ST6GALNAC3: variants seen among roughly 807,000 people sequenced by gnomAD.
ST6GALNAC3 encodes the protein alpha-N-acetylgalactosaminide alpha-2,6-sialyltransferase 3.
Under a neutral mutation model 32.7 loss-of-function variants are expected in ST6GALNAC3, and 25 were observed. The observed-to-expected ratio is 0.76, with a 90% CI of 0.56 to 1.07. The LOEUF is 1.07. Among genes scored for constraint, ST6GALNAC3 ranks in the 50% least tolerant of loss-of-function variants. The pLI is 0.00. For missense variants in ST6GALNAC3, 355 were observed against 382.4 expected (o/e 0.93, Z 0.60); for synonymous variants, 129 against 133.1 (o/e 0.97, Z 0.21).
chr1:76,155,508 T>C (rs1053025566), intron 1 of ST6GALNAC3, among the ~76,000 whole-genome samples: 11 of 152,112 alleles, frequency 7.2e-5, no homozygotes, highest in African/African-American at 2.2e-4. Context: ...GTCTCTGTCG[T>C]CCAGGCTGGA....
chr1:76,545,018 G>T (rs934340353), intron 3 of ST6GALNAC3, among the ~76,000 whole-genome samples: 9 of 152,202 alleles, frequency 5.9e-5, no homozygotes, highest in African/African-American at 2.2e-4. Context: ...CTGCAGATCA[G>T]TGAGAACTTT....
chr1:76,324,709 A>G (rs375135167), intron 2 of ST6GALNAC3, among the ~76,000 whole-genome samples: 30 of 152,300 alleles, frequency 2.0e-4, no homozygotes, highest in African/African-American at 7.0e-4. Flanking sequence ...ACAGAAAAAA[A>G]GACATTAGAT....
At chr1:76,618,467 A>T in intron 3 of ST6GALNAC3, among the ~76,000 whole-genome samples, 1 of 152,336 alleles carries the variant, frequency 6.6e-6, no homozygotes, top group South Asian at 2.1e-4. Context: ...ACAAATGCAC[A>T]GTTATTAACA....
At chr1:76,141,121 C>G (rs1650294671) in intron 1 of ST6GALNAC3, among the ~76,000 whole-genome samples, 1 of 152,156 alleles carries the variant, frequency 6.6e-6, no homozygotes, top group Admixed American at 6.5e-5. Flanking sequence ...ATCTACTGAG[C>G]TGGCACCAGC....
At chr1:76,487,617 A>G (rs1660212265) in intron 3 of ST6GALNAC3, among the ~76,000 whole-genome samples, 1 of 152,108 alleles carries the variant, frequency 6.6e-6, no homozygotes. Context: ...TGTTCTAGTT[A>G]GCCATTTGTC....
At chr1:76,584,175 T>C (rs1013408450) in intron 3 of ST6GALNAC3, among the ~76,000 whole-genome samples, 2 of 152,226 alleles carry the variant, frequency 1.3e-5, no homozygotes, top group Non-Finnish European at 2.9e-5. Context: ...CAAGGTCTTA[T>C]AGTTAGTAAA....
chr1:76,425,022 C>T (rs1655273241), intron 3 of ST6GALNAC3, among the ~76,000 whole-genome samples: 5 of 151,930 alleles, frequency 3.3e-5, no homozygotes, highest in Admixed American at 3.3e-4. Flanking sequence ...CAAAAATACA[C>T]ATCGTTTTAT....
chr1:76,303,158 C>G (rs1354407220), intron 1 of ST6GALNAC3, among the ~76,000 whole-genome samples: 6 of 151,934 alleles, frequency 3.9e-5, no homozygotes, highest in Non-Finnish European at 2.9e-5. Context: ...AGTTACATTT[C>G]TATGCAAACG....
chr1:76,182,459 C>G (rs755069147), intron 1 of ST6GALNAC3, among the ~76,000 whole-genome samples: 35 of 152,152 alleles, frequency 2.3e-4, no homozygotes, highest in Non-Finnish European at 4.9e-4. Context: ...ATAAGAATGA[C>G]TTCATAGAAG....
chr1:76,324,118 A>G (rs1347089384), intron 2 of ST6GALNAC3, among the ~76,000 whole-genome samples: 1 of 151,948 alleles, frequency 6.6e-6, no homozygotes, highest in Non-Finnish European at 1.5e-5. Flanking sequence ...GGCCTCCCAG[A>G]GTGCTGGGAT....
At chr1:76,179,090 CT>C (rs1653020849) in intron 1 of ST6GALNAC3, among the ~76,000 whole-genome samples, 1 of 152,172 alleles carries the variant, frequency 6.6e-6, no homozygotes, top group South Asian at 2.1e-4. Context: ...AGAACCTTTA[CT>C]TTTCACGTGG....
chr1:76,572,828 G>C (rs1197742722), intron 3 of ST6GALNAC3, among the ~76,000 whole-genome samples: 3 of 152,092 alleles, frequency 2.0e-5, no homozygotes, highest in East Asian at 1.9e-4. Flanking sequence ...TTTTCAGCTT[G>C]TCAAAGGTAT....
intron 3 of ST6GALNAC3, among the ~76,000 whole-genome samples, chr1:76,419,176 G>A (rs1008430242): frequency 9.9e-5 from 15 of 152,214 alleles, no homozygotes; most frequent in Non-Finnish European, 1.9e-4. Context: ...GCAAAAAGCT[G>A]TGCAGGACAT....
chr1:76,395,340 G>A (rs1652866951), intron 2 of ST6GALNAC3, among the ~76,000 whole-genome samples: 1 of 152,120 alleles, frequency 6.6e-6, no homozygotes, highest in Admixed American at 6.5e-5. Flanking sequence ...TACACTGTTG[G>A]TAGAAATGCA....
intron 2 of ST6GALNAC3, among the ~76,000 whole-genome samples, chr1:76,403,893 C>T (rs1653617187): frequency 6.6e-6 from 1 of 152,044 alleles, no homozygotes; most frequent in Non-Finnish European, 1.5e-5. Context: ...TAATTCACAT[C>T]CATATGAGAA....
chr1:76,173,075 A>T (rs967227400), intron 1 of ST6GALNAC3, among the ~76,000 whole-genome samples: 1 of 152,230 alleles, frequency 6.6e-6, no homozygotes, highest in Non-Finnish European at 1.5e-5. Flanking sequence ...ATGCCACCTG[A>T]CTTCAAATTA....
intron 1 of ST6GALNAC3, among the ~76,000 whole-genome samples, chr1:76,304,552 A>G (rs906679786): frequency 6.6e-6 from 1 of 152,072 alleles, no homozygotes; most frequent in East Asian, 1.9e-4. Context: ...CAGTAACTGG[A>G]TAGCAAAGGG....
chr1:76,334,883 G>C (rs770049387), intron 2 of ST6GALNAC3, among the ~76,000 whole-genome samples: 2 of 152,312 alleles, frequency 1.3e-5, no homozygotes, highest in East Asian at 1.9e-4. Flanking sequence ...CACTTTGAAA[G>C]AGCTGGAATA....
chr1:76,498,049 A>T (rs1171195810), intron 3 of ST6GALNAC3, among the ~76,000 whole-genome samples: 1 of 152,142 alleles, frequency 6.6e-6, no homozygotes, highest in African/African-American at 2.4e-5. Flanking sequence ...TATGCCCTTT[A>T]CACCAATCTG....
Sources: gnomAD v4.1 joint callset for allele counts (sites outside exome capture counted in the v4.1 genomes callset) on GRCh38, gnomAD v4.1.1 for gene constraint, MANE v1.5 for transcripts, NCBI Gene and HGNC (gene_info 2026-07-23, HGNC 2026-07-21) for gene names.